DHX58: variants seen among roughly 807,000 people sequenced by gnomAD.
DHX58 encodes DExH-box helicase 58.
In DHX58, 51 loss-of-function variants were observed where a neutral mutation model predicts 65.0. That is an observed-to-expected ratio of 0.78 (90% CI 0.63 to 0.99). DHX58 has a LOEUF of 0.99. Ranked by LOEUF, DHX58 falls within the 50% of genes least tolerant of loss-of-function variation. DHX58 has a pLI of 0.00. For missense variants in DHX58, 773 were observed against 891.8 expected, an observed-to-expected ratio of 0.87 and a Z score of 1.70; for synonymous variants, 350 against 365.0, an observed-to-expected ratio of 0.96 and a Z score of 0.47.
chr17:42,102,033 GC>G, intron 13 of DHX58, 87 bp from the exon 14 acceptor site: 2 of 1,487,304 alleles, frequency 1.3e-6, no homozygotes, highest in Non-Finnish European at 1.8e-6. Flanking sequence ...TGAATACAGG[GC>G]CTTTTCCTCC....
chr17:42,109,513 G>T, intron 5 of DHX58, 127 bp from the exon 6 acceptor site: 1 of 735,138 alleles, frequency 1.4e-6, no homozygotes, highest in East Asian at 2.7e-5. Flanking sequence ...AATATTGCTC[G>T]CCCTCTCTGT....
chr17:42,107,543 C>A, intron 8 of DHX58, 61 bp downstream of exon 8: 13 of 1,472,740 alleles, frequency 8.8e-6, no homozygotes, highest in Non-Finnish European at 1.2e-5. Context: ...TGTGCCCTGG[C>A]CTCTGACCTC....
In DHX58 at chr17:42,110,930, G is replaced by A. The variant is rs896792428; in HGVS notation, c.371-17C>T. On this transcript the variant is annotated splice_polypyrimidine_tract_variant and intron_variant, in intron 4 of 13. Transcript: ENST00000251642. ...GGGAGAAGACTGAGGGCACAGGGGG[G>A]AAGGCTGTGACCTATGTTTGCAAAG... is the stretch of plus-strand genomic sequence containing the variant. The A allele has an allele frequency of 6.3e-7, 1 of 1,583,690 alleles. No homozygotes were observed. The highest frequency in any genetic ancestry group is 1.8e-5 in the Admixed American group (1 of 56,414).
At position 42,111,281 on chromosome 17, in the gene DHX58, G is replaced by A. The variant is rs200712702; in HGVS notation, c.370+15C>T. 3.3e-5 allele frequency: 53 copies of A among 1,604,110 alleles called. No homozygotes were observed. The highest frequency in any genetic ancestry group is 3.2e-4 in the Admixed American group (19 of 59,660). ...CCCAGATGCGTATCTTTTTCCTCCC[G>A]GCCATGGCCCTCACCAGTGAGCTCC... On this transcript the variant is annotated intron_variant, in intron 4 of 13. Transcript: ENST00000251642.
intron 6 of DHX58, among the ~76,000 whole-genome samples, chr17:42,108,701 G>A (rs868917215): frequency 2.6e-5 from 4 of 152,256 alleles, no homozygotes; most frequent in Non-Finnish European, 1.5e-5. Context: ...AGGGAGAGCA[G>A]CTGCAGGCGT....
At chr17:42,104,469 C>T (rs1050677397) in intron 11 of DHX58, among the ~76,000 whole-genome samples, 3 of 152,152 alleles carry the variant, frequency 2.0e-5, no homozygotes, top group Non-Finnish European at 4.4e-5. Context: ...CTTATCTTGT[C>T]CCCTCTGCCT....
rs1184084367 is a variant in DHX58 at position 42,101,597 on chromosome 17, G to A, written c.*164C>T. On this transcript the variant is annotated 3_prime_UTR_variant, in exon 14 of 14. Coordinates refer to ENST00000251642, the MANE Select transcript of DHX58 (RefSeq NM_024119.3). ...GGTCTGGACTAAGCTCTGGCCCTCCGGTTGTTTTCCCATTGCGGGAGCCTA... is the reference window on the plus strand; with the variant it reads ...GGTCTGGACTAAGCTCTGGCCCTCCAGTTGTTTTCCCATTGCGGGAGCCTA... The A allele has an allele frequency of 4.8e-6, 4 of 840,008 alleles. No individual in the cohort carries two copies. The highest frequency in any genetic ancestry group is 2.9e-5 in the Admixed American group (1 of 34,624). 52.0% of individuals were successfully genotyped at this position (840,008 alleles called of 1,614,324 possible).
rs1368280155 is a variant in DHX58, at chr17:42,108,066, G to C, written c.721C>G (p.His241Asp). ...DLLKKLMDQI[H>D]DHLEMPELSR... Reference sequence around the variant, plus strand: ...AACTCAGGCATCTCCAGGTGGTCATGGATTTGGTCCATGAGCTTCTTCAGC... The same window carrying C: ...AACTCAGGCATCTCCAGGTGGTCATCGATTTGGTCCATGAGCTTCTTCAGC... The change falls in exon 7 of 14, where the codon CAT (histidine) becomes GAT (aspartate). Residue 241 changes from histidine to aspartate, a missense_variant. Coordinates refer to ENST00000251642, the MANE Select transcript of DHX58 (RefSeq NM_024119.3). 3 of 1,614,254 alleles carry C rather than the reference G, an allele frequency of 1.9e-6. No homozygotes were observed. Among genetic ancestry groups the C allele is most frequent in the Non-Finnish European group, 2.5e-6 (3 of 1,180,046 alleles).
At chr17:42,108,653 T>G (rs2054102400) in intron 6 of DHX58, among the ~76,000 whole-genome samples, 1 of 152,110 alleles carries the variant, frequency 6.6e-6, no homozygotes, top group Non-Finnish European at 1.5e-5. Flanking sequence ...AGGGAAAGAG[T>G]TAAGCTGCTG....
At chr17:42,109,080 G>A (rs781937046) in intron 6 of DHX58, among the ~76,000 whole-genome samples, 190 bp downstream of exon 6, 35 of 152,252 alleles carry the variant, frequency 2.3e-4, no homozygotes, top group Non-Finnish European at 4.3e-4. Flanking sequence ...TGCCTTCTGA[G>A]TCAATCCAAA....
intron 5 of DHX58, 25 bp from the exon 6 acceptor site, chr17:42,109,411 G>T: frequency 6.3e-7 from 1 of 1,593,528 alleles, no homozygotes; most frequent in Non-Finnish European, 8.6e-7. Flanking sequence ...GGACTTTACT[G>T]GAAAGGGAGG....
In DHX58 at chr17:42,101,557, T is replaced by C. The variant is rs781914864; in HGVS notation, c.*204A>G. 3.5e-6 allele frequency: 2 copies of C among 579,394 alleles called. No individual in the cohort carries two copies. Among genetic ancestry groups the C allele is most frequent in the Non-Finnish European group, 6.0e-6 (2 of 334,904 alleles). 35.9% of individuals were successfully genotyped at this position (579,394 alleles called of 1,614,324 possible). On this transcript the variant is annotated 3_prime_UTR_variant, in exon 14 of 14. Transcript: ENST00000251642. ...CATCCAGTGCATATGAAAATGTCTATGTGCGTACAAGGTAGGTCTGGACTA... is the reference window on the plus strand; with the variant it reads ...CATCCAGTGCATATGAAAATGTCTACGTGCGTACAAGGTAGGTCTGGACTA...
intron 6 of DHX58, among the ~76,000 whole-genome samples, chr17:42,108,809 A>G (rs2054105105): frequency 1.3e-5 from 2 of 152,242 alleles, no homozygotes; most frequent in Admixed American, 6.5e-5. Context: ...TCACCTGCCT[A>G]TGGCCCCCCA....
intron 12 of DHX58, chr17:42,103,334 C>T (rs781883099): frequency 3.7e-5 from 18 of 483,134 alleles, no homozygotes; most frequent in Non-Finnish European, 6.3e-5. Flanking sequence ...ACCAGAGGGT[C>T]AATGTGTGGT....
chr17:42,111,922 C>T (rs189203903), intron 2 of DHX58, 29 bp from the exon 3 acceptor site: 955 of 1,582,544 alleles, frequency 6.0e-4, no homozygotes, highest in South Asian at 7.2e-4. Context: ...TCAGACCCAC[C>T]GACTCCTCCA....
In DHX58 at chr17:42,105,970, G is replaced by A. The variant is rs531891551; in HGVS notation, c.1017C>T (p.Ala339=). 4.3e-6 allele frequency: 7 copies of A among 1,613,258 alleles called. No individual in the cohort carries two copies. In the Admixed American group the frequency reaches 1.0e-4, roughly 23 times the overall value. ...TCTCTGGGCCATGAGTTGCCAAGTG[G>A]GCCAGCTCATTCTTGCGGTCTGTCA... is the stretch of plus-strand genomic sequence containing the variant. The part of the protein sequence containing the change: ...ALFDDRKNEL[A]HLATHGPENP... The change falls in exon 9 of 14, where the codon GCC becomes GCT. Residue 339 remains alanine (A), a synonymous_variant. Transcript: ENST00000251642.
At chr17:42,102,362 C>G in intron 12 of DHX58, 50 bp from the exon 13 acceptor site, 2 of 1,525,706 alleles carry the variant, frequency 1.3e-6, no homozygotes, top group Non-Finnish European at 9.1e-7. Context: ...TCCTCAGCCC[C>G]GGATCTCATG....
chr17:42,111,705 G>A lies in DHX58; in HGVS notation c.168+20C>T, dbSNP rs782553431. The A allele has an allele frequency of 3.8e-6, 6 of 1,599,980 alleles. No individual in the cohort carries two copies. The South Asian group carries it at 5.6e-5, about 15-fold the overall frequency. ...ACCCTGCTTGGTGGTGGGAGAGCGG[G>A]GTAGGGACAGACCACTCACCCTGTT... On this transcript the variant is annotated intron_variant, in intron 3 of 13. Coordinates refer to ENST00000251642, the MANE Select transcript of DHX58 (RefSeq NM_024119.3).
At chr17:42,105,678 C>T (rs1448699786) in intron 9 of DHX58, 58 bp downstream of exon 9, 15 of 1,509,126 alleles carry the variant, frequency 9.9e-6, no homozygotes, top group South Asian at 5.3e-5. Flanking sequence ...CCCTGTTCCC[C>T]GCACTTCTCT....
Sources: gnomAD v4.1 joint callset for allele counts (sites outside exome capture counted in the v4.1 genomes callset) on GRCh38, gnomAD v4.1.1 for gene constraint, MANE v1.5 for transcripts, NCBI Gene and HGNC (gene_info 2026-07-23, HGNC 2026-07-21) for gene names.